Variants in ZBTB20 observed in about 807,000 individuals in gnomAD.
ZBTB20 encodes the protein zinc finger and BTB domain-containing protein 20.
A neutral mutation model predicts 56.9 loss-of-function variants in ZBTB20; 9 were observed. The ratio of observed to expected loss-of-function variants is 0.16; its 90% CI spans 0.10 to 0.28. ZBTB20 has a LOEUF of 0.28. Ranked by LOEUF, ZBTB20 falls within the 10% of genes least tolerant of loss-of-function variation. The pLI, the probability that ZBTB20 is intolerant of heterozygous loss-of-function variation, is 1.00. For synonymous variants in ZBTB20, 417 were observed against 420.7 expected (o/e 0.99, Z 0.11); for missense variants, 655 against 1,003.0 (o/e 0.65, Z 4.69).
chr3:114,821,443 T>C (rs955972334), intron 4 of ZBTB20, among the ~76,000 whole-genome samples: 43 of 152,138 alleles, frequency 2.8e-4, no homozygotes, highest in Admixed American at 2.8e-3. Context: ...CAACTCTAAA[T>C]ACCTACTGTG....
chr3:114,681,210 A>G (rs962617683), intron 6 of ZBTB20, among the ~76,000 whole-genome samples: 6 of 146,572 alleles, frequency 4.1e-5, no homozygotes, highest in Non-Finnish European at 7.4e-5. Context: ...CCCAGATTGC[A>G]GTGCAGTGGT....
chr3:114,816,802 T>C (rs2072947521), intron 4 of ZBTB20, among the ~76,000 whole-genome samples: 1 of 152,148 alleles, frequency 6.6e-6, no homozygotes, highest in Non-Finnish European at 1.5e-5. Context: ...AAATAGGAGA[T>C]TCAGAAAGCA....
rs546252881 is a variant in ZBTB20, at chr3:114,687,191, G to T, written c.-295+6337C>A. ...GTAGCAAATGAATGCATTTAAAGAT[G>T]ATTTCCAGCTGAAATGTTTTTTTTT... On this transcript the variant is annotated intron_variant, in intron 6 of 11. Coordinates refer to ENST00000675478, the MANE Select transcript of ZBTB20 (RefSeq NM_001348800.3). 2 of 149,712 alleles carry T rather than the reference G, an allele frequency of 1.3e-5. 1 individual carries two copies. Among genetic ancestry groups the T allele is most frequent in the South Asian group, 4.2e-4 (2 of 4,726 alleles). 9.3% of individuals were successfully genotyped at this position (149,712 alleles called of 1,614,324 possible).
At chr3:114,568,449 T>C (rs970476171) in intron 6 of ZBTB20, among the ~76,000 whole-genome samples, 33 of 152,224 alleles carry the variant, frequency 2.2e-4, no homozygotes, top group Non-Finnish European at 1.0e-4. Context: ...AAAATTGCTA[T>C]AAAATGCTTA....
chr3:114,485,735 C>T (rs1296613331), intron 7 of ZBTB20, among the ~76,000 whole-genome samples: 3 of 152,210 alleles, frequency 2.0e-5, no homozygotes, highest in South Asian at 4.2e-4. Flanking sequence ...TGTGAAGGAG[C>T]TGTCTCTCTC....
Position 114,351,307 on chromosome 3 carries a change from G to A in ZBTB20, c.771C>T (p.Gly257=), listed in dbSNP as rs2080650489. The A allele has an allele frequency of 9.3e-6, 15 of 1,605,646 alleles. No individual in the cohort carries two copies. Among genetic ancestry groups the A allele is most frequent in the Non-Finnish European group, 1.3e-5 (15 of 1,178,904 alleles). ...LYACSMQNGS[G]ERSFYSGAVV... ...CTGCGCCGCTGTAAAAAGAGCGCTC[G>A]CCGCTGCCATTCTGCATGGAGCACG... The change falls in exon 11 of 12, where the codon GGC becomes GGT. Residue 257 remains glycine (G), a synonymous_variant. Coordinates refer to ENST00000675478, the MANE Select transcript of ZBTB20 (RefSeq NM_001348800.3).
chr3:114,380,549 T>G, intron 9 of ZBTB20, 145 bp from the exon 10 acceptor site: 1 of 1,234,024 alleles, frequency 8.1e-7, no homozygotes, highest in African/African-American at 1.5e-5. Flanking sequence ...TAAAACAAGC[T>G]GATTCTTGTT....
intron 10 of ZBTB20, among the ~76,000 whole-genome samples, chr3:114,365,784 AT>A (rs1380805738): frequency 2.0e-5 from 3 of 152,222 alleles, no homozygotes; most frequent in Non-Finnish European, 4.4e-5. Flanking sequence ...CAGGCACCAG[AT>A]TATACTACAA....
At chr3:114,807,477 G>T (rs57068667) in intron 4 of ZBTB20, among the ~76,000 whole-genome samples, 2,460 of 139,628 alleles carry the variant, frequency 0.018, 74 homozygotes, top group African/African-American at 0.061. Context: ...CCTCTAATTT[G>T]CTTCTCTCTC....
chr3:115,113,827 T>C (rs2083947318), intron 1 of ZBTB20, among the ~76,000 whole-genome samples: 1 of 152,100 alleles, frequency 6.6e-6, no homozygotes, highest in Non-Finnish European at 1.5e-5. Flanking sequence ...TTTCCCTTGC[T>C]TTCTGAAGGA....
chr3:114,621,291 C>T (rs1361250211), intron 6 of ZBTB20, among the ~76,000 whole-genome samples: 1 of 152,078 alleles, frequency 6.6e-6, no homozygotes, highest in Non-Finnish European at 1.5e-5. Flanking sequence ...TCGGTGTTGT[C>T]AGTGTGATAA....
intron 7 of ZBTB20, among the ~76,000 whole-genome samples, chr3:114,398,672 A>C (rs1056397826): frequency 1.3e-5 from 2 of 152,216 alleles, no homozygotes; most frequent in Non-Finnish European, 1.5e-5. Context: ...ACTGGAATAT[A>C]CCAATGGTAA....
intron 7 of ZBTB20, among the ~76,000 whole-genome samples, chr3:114,461,814 A>G (rs1029301542): frequency 7.2e-5 from 11 of 152,186 alleles, no homozygotes; most frequent in African/African-American, 1.7e-4. Flanking sequence ...GAGTGTGTAT[A>G]TTTTAACAAG....
intron 3 of ZBTB20, among the ~76,000 whole-genome samples, chr3:114,902,960 C>G (rs2075179278): frequency 6.6e-6 from 1 of 152,142 alleles, no homozygotes; most frequent in African/African-American, 2.4e-5. Flanking sequence ...GGCCTGTAAA[C>G]ATAATCAGCA....
chr3:114,485,750 T>C (rs925194430), intron 7 of ZBTB20, among the ~76,000 whole-genome samples: 1 of 152,076 alleles, frequency 6.6e-6, no homozygotes, highest in South Asian at 2.1e-4. Flanking sequence ...TCTCTCCCTT[T>C]TCCTCTTCCA....
At chr3:114,510,034 C>T (rs2045153810) in intron 6 of ZBTB20, among the ~76,000 whole-genome samples, 1 of 152,140 alleles carries the variant, frequency 6.6e-6, no homozygotes, top group African/African-American at 2.4e-5. Flanking sequence ...CCGCAGCAGT[C>T]TGTGAAATAC....
In ZBTB20 at chr3:114,947,052, A is replaced by T. The variant is rs572669072; in HGVS notation, c.-456+27314T>A. ...CATACAAATGGCCAAGAAACATATAAAAAAAAAAGCTCAACATCACTAATC... is the reference window on the plus strand; with the variant it reads ...CATACAAATGGCCAAGAAACATATATAAAAAAAAGCTCAACATCACTAATC... On this transcript the variant is annotated intron_variant, in intron 3 of 11. Coordinates refer to ENST00000675478, the MANE Select transcript of ZBTB20 (RefSeq NM_001348800.3). Among the ~76,000 whole-genome samples the T allele has an allele frequency of 1.2e-3, 175 of 143,898 alleles. 36 individuals are homozygous for T. The highest frequency in any genetic ancestry group is 4.3e-3 in the African/African-American group (152 of 35,228). 94.4% of individuals were successfully genotyped at this position (143,898 alleles called of 152,430 possible). A position where few individuals can be genotyped will look rare whatever the true frequency, so the allele number is the denominator to read the frequency against.
At chr3:114,560,327 A>G (rs539956586) in intron 6 of ZBTB20, among the ~76,000 whole-genome samples, 1 of 152,322 alleles carries the variant, frequency 6.6e-6, no homozygotes, top group South Asian at 2.1e-4. Context: ...TCAGTAGATG[A>G]TGATGATGAC....
chr3:114,913,143 TC>T (rs1397142107), intron 3 of ZBTB20, among the ~76,000 whole-genome samples: 4 of 152,084 alleles, frequency 2.6e-5, no homozygotes, highest in African/African-American at 7.2e-5. Context: ...TTTTTAGTTT[TC>T]TGAAGAACCT....
Sources: allele counts gnomAD v4.1 joint callset (sites outside exome capture counted in the v4.1 genomes callset), GRCh38; gene constraint gnomAD v4.1.1; transcripts MANE v1.5; gene names NCBI Gene and HGNC (gene_info 2026-07-23, HGNC 2026-07-21).